The following CEP63 variants were observed in gnomAD, a reference collection of about 807,000 sequenced individuals.
CEP63 encodes centrosomal protein 63, also known as centrosomal protein of 63 kDa.
CEP63 carries 84 observed loss-of-function variants against 89.1 expected under a neutral mutation model. That is an observed-to-expected ratio of 0.94 (90% CI 0.79 to 1.13). The LOEUF is 1.13. Among genes scored for constraint, CEP63 ranks in the 50% most tolerant of loss-of-function variants. The pLI is 0.00. For missense variants in CEP63, 838 were observed against 813.3 expected, an observed-to-expected ratio of 1.03 and a Z score of -0.37; for synonymous variants, 267 against 272.5, an observed-to-expected ratio of 0.98 and a Z score of 0.20.
intron 3 of CEP63, among the ~76,000 whole-genome samples, chr3:134,530,678 T>G (rs1296369095): frequency 6.6e-6 from 1 of 152,222 alleles, no homozygotes; most frequent in East Asian, 1.9e-4. Context: ...ATCATTCACT[T>G]ACATCTTTTT....
chr3:134,626,795 T>C, the CEP63 span, among the ~76,000 whole-genome samples: 2 of 152,208 alleles, frequency 1.3e-5, no homozygotes, highest in East Asian at 3.9e-4. Context: ...CCATGACTTA[T>C]GTCATCAACC....
chr3:134,542,488 G>A (rs778891201), intron 6 of CEP63, among the ~76,000 whole-genome samples: 13 of 152,178 alleles, frequency 8.5e-5, no homozygotes, highest in Non-Finnish European at 1.5e-4. Context: ...TGAGGCTGTG[G>A]CCTGCACTGG....
rs1234326993 is a variant in CEP63 at position 134,559,290 on chromosome 3, C to G, written c.1814C>G (p.Pro605Arg). ...VLSPLSPQIS[P>R]CSSTRSLTSY... is the part of the protein sequence containing the mutation. ...AGCCCCCTGAGTCCTCAAATCAGCC[C>G]TTGCAGCTCCACCAGGTCTTTGACT... Residue 605 changes from proline (P) to arginine (R), a missense_variant, in exon 14 of 15, where the codon CCT becomes CGT. By Grantham distance (103) the Pro-to-Arg change is moderately radical (BLOSUM62 -2). Transcript: ENST00000675561. 1 of 1,614,020 alleles carries G rather than the reference C, an allele frequency of 6.2e-7. No homozygotes were observed. Among genetic ancestry groups the G allele is most frequent in the Non-Finnish European group, 8.5e-7 (1 of 1,180,022 alleles).
At chr3:134,713,688 A>G in the CEP63 span, among the ~76,000 whole-genome samples, 1 of 152,140 alleles carries the variant, frequency 6.6e-6, no homozygotes, top group Non-Finnish European at 1.5e-5. Context: ...TGGGCCACAC[A>G]GTCAGAGCCA....
In CEP63 at chr3:134,531,834, T is replaced by C; in HGVS notation, c.223-11T>C. 6.2e-7 allele frequency: 1 copy of C among 1,600,588 alleles called. No individual in the cohort carries two copies. Among genetic ancestry groups the C allele is most frequent in the Non-Finnish European group, 8.6e-7 (1 of 1,167,946 alleles). On this transcript the variant is annotated splice_polypyrimidine_tract_variant and intron_variant, in intron 3 of 14. Transcript: ENST00000675561. Reference sequence around the variant, plus strand: ...TAATAGTGAAAAATACTACCACCTTTCTGCTTTTAGGTTGGAATGTTGCAT... The same window carrying C: ...TAATAGTGAAAAATACTACCACCTTCCTGCTTTTAGGTTGGAATGTTGCAT...
Position 134,517,643 on chromosome 3 carries a change from G to A in CEP63, c.222+10357G>A, listed in dbSNP as rs532862524. Reference sequence around the variant, plus strand: ...TGGTCTCTGAACATAGTGGAAATAAGTTAGAAAAAGATAACTTGAAAATCT... The same window carrying A: ...TGGTCTCTGAACATAGTGGAAATAAATTAGAAAAAGATAACTTGAAAATCT... On this transcript the variant is annotated intron_variant, in intron 3 of 14. Coordinates refer to ENST00000675561, the MANE Select transcript of CEP63 (RefSeq NM_001353108.3). Among the ~76,000 whole-genome samples the A allele has an allele frequency of 3.9e-5, 6 of 152,284 alleles. No homozygotes were observed. The South Asian group carries it at 1.0e-3, about 26-fold the overall frequency.
rs112249119 is a variant in CEP63 at position 134,557,791 on chromosome 3, G to A, written c.1468-351G>A. ...TCCGTTTTCTTTCATTAGTATTCTG[G>A]GGCTATTCAACCTTCACCTTCTTGC... On this transcript the variant is annotated intron_variant, in intron 12 of 14. Coordinates refer to ENST00000675561, the MANE Select transcript of CEP63 (RefSeq NM_001353108.3). Among the ~76,000 whole-genome samples, 1,068 of 151,976 alleles carry A rather than the reference G, an allele frequency of 7.0e-3. 12 individuals carry two copies. The highest frequency in any genetic ancestry group is 0.025 in the African/African-American group (1,026 of 41,436).
the CEP63 span, among the ~76,000 whole-genome samples, chr3:134,612,528 CAGCT>C: frequency 6.6e-6 from 1 of 152,078 alleles, no homozygotes; most frequent in Non-Finnish European, 1.5e-5. Context: ...TGAGAGGAAA[CAGCT>C]AGCAGAGAAG....
At chr3:134,531,536 T>C (rs1052127820) in intron 3 of CEP63, among the ~76,000 whole-genome samples, 1 of 152,078 alleles carries the variant, frequency 6.6e-6, no homozygotes, top group Non-Finnish European at 1.5e-5. Context: ...GAGCCAAGAT[T>C]GCACCACTGC....
the CEP63 span, among the ~76,000 whole-genome samples, chr3:134,754,201 C>A: frequency 1.3e-5 from 2 of 152,232 alleles, no homozygotes; most frequent in African/African-American, 4.8e-5. Context: ...ACACCACCAG[C>A]AGGCGAAGTG....
chr3:134,567,702 AG>A (rs1032845030), downstream of CEP63, among the ~76,000 whole-genome samples: 7 of 152,178 alleles, frequency 4.6e-5, no homozygotes, highest in Non-Finnish European at 1.0e-4. Flanking sequence ...GCAGAGGGCC[AG>A]GGGCCTGCAC....
At chr3:134,697,379 C>T in the CEP63 span, among the ~76,000 whole-genome samples, 1 of 152,132 alleles carries the variant, frequency 6.6e-6, no homozygotes, top group Non-Finnish European at 1.5e-5. Context: ...AAGACATACA[C>T]ACACTGCCCT....
the CEP63 span, among the ~76,000 whole-genome samples, chr3:134,644,649 TG>T: frequency 5.3e-5 from 8 of 152,216 alleles, no homozygotes; most frequent in Non-Finnish European, 1.0e-4. Context: ...AGTATGCCTC[TG>T]GGGCATTGGC....
intron 11 of CEP63, among the ~76,000 whole-genome samples, chr3:134,570,773 G>C (rs1423762734): frequency 6.6e-6 from 1 of 152,178 alleles, no homozygotes; most frequent in Non-Finnish European, 1.5e-5. Flanking sequence ...CTGTTTTCAT[G>C]CTGCTGATAA....
intron 10 of CEP63, among the ~76,000 whole-genome samples, chr3:134,584,956 GTT>G (rs780691730): frequency 2.5e-4 from 9 of 36,038 alleles, no homozygotes; most frequent in South Asian, 1.3e-3. Flanking sequence ...ATTTTCTAGG[GTT>G]TTTTTTTTTT....
At chr3:134,694,416 T>C in the CEP63 span, among the ~76,000 whole-genome samples, 3 of 152,210 alleles carry the variant, frequency 2.0e-5, no homozygotes, top group Non-Finnish European at 4.4e-5. Context: ...CTTCCCCAAG[T>C]TAAGTAAAAG....
In CEP63 at chr3:134,486,213, G is replaced by T; in HGVS notation, c.-26+11G>T. ...CAGCGCCGGCCCGAGGTAACGGCGG[G>T]AAGGCTCAGGGGCGTGCTTGCGGCA... On this transcript the variant is annotated intron_variant, in intron 1 of 14. Coordinates refer to ENST00000675561, the MANE Select transcript of CEP63 (RefSeq NM_001353108.3). 1 of 985,506 alleles carries T rather than the reference G, an allele frequency of 1.0e-6. No homozygotes were observed. Among genetic ancestry groups the T allele is most frequent in the South Asian group, 4.7e-5 (1 of 21,302 alleles). The allele number at this position is 985,506 out of a possible 1,614,324, so 61.0% of individuals were successfully genotyped here.
the CEP63 span, among the ~76,000 whole-genome samples, chr3:134,611,069 T>C: frequency 6.6e-6 from 1 of 152,186 alleles, no homozygotes; most frequent in Non-Finnish European, 1.5e-5. Context: ...GTGAACATGG[T>C]GCAAGAGCCA....
At chr3:134,711,085 C>T in the CEP63 span, among the ~76,000 whole-genome samples, 1 of 152,126 alleles carries the variant, frequency 6.6e-6, no homozygotes, top group Admixed American at 6.5e-5. Context: ...CATGACCCTC[C>T]ACTCTTCTCT....
Sources: gnomAD v4.1 joint callset for allele counts (sites outside exome capture counted in the v4.1 genomes callset) on GRCh38, gnomAD v4.1.1 for gene constraint, MANE v1.5 for transcripts, NCBI Gene and HGNC (gene_info 2026-07-23, HGNC 2026-07-21) for gene names.